The following LILRB5 variants were observed in gnomAD, a reference collection of about 807,000 sequenced individuals.
The protein encoded by LILRB5 is leukocyte immunoglobulin-like receptor subfamily B member 5.
Under a neutral mutation model 68.4 loss-of-function variants are expected in LILRB5, and 61 were observed. That is an observed-to-expected ratio of 0.89 (90% CI 0.73 to 1.10). The LOEUF is 1.10. Among genes scored for constraint, LILRB5 ranks in the 50% least tolerant of loss-of-function variants. The probability of loss-of-function intolerance (pLI) is 0.00; values close to 1 mark genes in which losing one functional copy is unlikely to be tolerated. For missense variants in LILRB5, 771 were observed against 751.6 expected (o/e 1.03, Z -0.30); for synonymous variants, 356 against 315.8 (o/e 1.13, Z -1.35).
intron 8 of LILRB5, 63 bp downstream of exon 8, chr19:54,253,955 G>A (rs560701409): frequency 1.2e-5 from 18 of 1,554,992 alleles, no homozygotes; most frequent in East Asian, 7.2e-5. Flanking sequence ...CTGAACCTAC[G>A]ACAGAACCCA....
Position 54,252,358 on chromosome 19 carries a change from T to C in LILRB5, c.1576+8A>G, listed in dbSNP as rs3843753. ...CACCCCAGGTGCCCTCCGCTTCTAG[T>C]CACTCACTGAGAATTTCCTCCTGGA... On this transcript the variant is annotated splice_region_variant and intron_variant, in intron 11 of 12. Coordinates refer to ENST00000449561, the MANE Select transcript of LILRB5 (RefSeq NM_001081442.3). 152,166 of 1,613,366 alleles carry C rather than the reference T, an allele frequency of 0.094. 7,683 individuals are homozygous for C. The highest frequency in any genetic ancestry group is 0.18 in the Admixed American group (10,786 of 59,980).
At chr19:54,252,620 C>T (rs983548164) in intron 9 of LILRB5, 71 bp from the exon 10 acceptor site, 74 of 1,558,888 alleles carry the variant, frequency 4.7e-5, no homozygotes, top group Middle Eastern at 1.9e-4. Flanking sequence ...ACAACTCGAG[C>T]GGAAAGAAGG....
At chr19:54,255,786 G>T in intron 4 of LILRB5, 1 of 726,240 alleles carries the variant, frequency 1.4e-6, no homozygotes, top group Non-Finnish European at 2.2e-6. Flanking sequence ...TGTCTGTCTG[G>T]TCTGTCCTCT....
chr19:54,250,682 C>T lies in LILRB5; in HGVS notation c.*104G>A. 6.8e-7 allele frequency: 1 copy of T among 1,461,176 alleles called. No homozygotes were observed. Among genetic ancestry groups the T allele is most frequent in the Non-Finnish European group, 9.4e-7 (1 of 1,065,798 alleles). 90.5% of individuals were successfully genotyped at this position (1,461,176 alleles called of 1,614,324 possible). On this transcript the variant is annotated 3_prime_UTR_variant, in exon 13 of 13. Coordinates refer to ENST00000449561, the MANE Select transcript of LILRB5 (RefSeq NM_001081442.3). Reference sequence around the variant, plus strand: ...TGTCCTGGTGGTCTTTGTTAGGGGTCCAGGCTGGCTGGGGTTCATTGGTGT... The same window carrying T: ...TGTCCTGGTGGTCTTTGTTAGGGGTTCAGGCTGGCTGGGGTTCATTGGTGT...
rs1054580078 is a variant in LILRB5, at chr19:54,250,775, T to A, written c.*11A>T. On this transcript the variant is annotated 3_prime_UTR_variant, in exon 13 of 13. Coordinates refer to ENST00000449561, the MANE Select transcript of LILRB5 (RefSeq NM_001081442.3). ...CCTTCTGTTGAGTATGAGATCTGGG[T>A]CCCCCGTGGGCTAGTGGATGGCCAG... is the stretch of plus-strand genomic sequence containing the variant. 2.5e-6 allele frequency: 4 copies of A among 1,613,770 alleles called. No individual in the cohort carries two copies. Among genetic ancestry groups the A allele is most frequent in the Non-Finnish European group, 3.4e-6 (4 of 1,179,974 alleles).
At chr19:54,257,085 T>C in intron 1 of LILRB5, 75 bp downstream of exon 1, 3 of 1,613,862 alleles carry the variant, frequency 1.9e-6, no homozygotes, top group Non-Finnish European at 2.5e-6. Flanking sequence ...CCAGATTCTC[T>C]GATAGACCAG....
rs764804186 is a variant in LILRB5, at chr19:54,254,679, G to T, written c.1255+56C>A. The stretch of plus-strand genomic sequence containing the variant: ...CCATCCCAGCCCAGAGCTCTCCTGG[G>T]GGCAGGGCCTGAGCTGAGCCTTTGA... On this transcript the variant is annotated intron_variant, in intron 6 of 12. Transcript: ENST00000449561. The T allele has an allele frequency of 4.4e-6, 7 of 1,600,500 alleles. No homozygotes were observed. The Middle Eastern group carries it at 6.7e-4, about 152-fold the overall frequency.
rs946990742 is a variant in LILRB5, at chr19:54,252,524, A to G, written c.1500T>C (p.Ala500=). The G allele has an allele frequency of 1.9e-6, 3 of 1,613,968 alleles. No individual in the cohort carries two copies. In the African/African-American group the frequency reaches 4.0e-5, roughly 22 times the overall value. Residue 500 remains alanine (A), a synonymous_variant, in exon 10 of 13, where the codon GCT becomes GCC. Transcript: ENST00000449561. ...TSAHFYRPAG[A]AGPEPKDQGL... The stretch of plus-strand genomic sequence containing the variant: ...CCTGGTCCTTGGGCTCTGGCCCCGC[A>G]GCCCCTGCAGGACGGTAGAAATGGG...
At chr19:54,256,421 CG>C in intron 3 of LILRB5, 67 bp downstream of exon 3, 2 of 1,595,164 alleles carry the variant, frequency 1.3e-6, no homozygotes. Context: ...GAGAGGTAGA[CG>C]TCCCTAAGAG....
chr19:54,253,749 C>A, intron 8 of LILRB5: 1 of 1,241,816 alleles, frequency 8.1e-7, no homozygotes, highest in Non-Finnish European at 1.1e-6. Context: ...AGCCCCGGAG[C>A]TGCAGGGAAA....
chr19:54,250,557 G>T lies in LILRB5; in HGVS notation c.*229C>A. 2 of 548,436 alleles carry T rather than the reference G, an allele frequency of 3.6e-6. No homozygotes were observed. The highest frequency in any genetic ancestry group is 3.2e-6 in the Non-Finnish European group (1 of 312,758). 34.0% of individuals were successfully genotyped at this position (548,436 alleles called of 1,614,324 possible). On this transcript the variant is annotated 3_prime_UTR_variant, in exon 13 of 13. Coordinates refer to ENST00000449561, the MANE Select transcript of LILRB5 (RefSeq NM_001081442.3). ...TCTAATTTCTGTTTCAGTTTTCTCAGCTCATTGATTTATTGAGAAGTCTGT... is the reference window on the plus strand; with the variant it reads ...TCTAATTTCTGTTTCAGTTTTCTCATCTCATTGATTTATTGAGAAGTCTGT...
chr19:54,253,068 C>T, intron 8 of LILRB5, 81 bp from the exon 9 acceptor site: 2 of 798,944 alleles, frequency 2.5e-6, no homozygotes, highest in Non-Finnish European at 3.7e-6. Flanking sequence ...CTAGGTCTTT[C>T]CTTCATGAGC....
rs769256920 is a variant in LILRB5 at position 54,256,722 on chromosome 19, C to T, written c.122G>A (p.Arg41Gln). 31 of 1,613,996 alleles carry T rather than the reference C, an allele frequency of 1.9e-5. No homozygotes were observed. The Middle Eastern group carries it at 8.2e-4, about 43-fold the overall frequency. The stretch of plus-strand genomic sequence containing the variant: ...ACACCAGAGGGTCACGGGCTTCCCC[C>T]GAGCTATCACAGAGGCTGGCTCAGC... ...LWAEPASVIARGKPVTLWCQG... is the reference protein window; with the variant it reads ...LWAEPASVIAQGKPVTLWCQG... The change falls in exon 3 of 13, where the codon CGG becomes CAG. Residue 41 changes from arginine to glutamine, a missense_variant. Arg to Gln is a conservative substitution (Grantham distance 43). Transcript: ENST00000449561.
At position 54,254,902 on chromosome 19, in the gene LILRB5, G is replaced by T. The variant is rs899868357; in HGVS notation, c.1088C>A (p.Pro363His). ...FFLTKEGAAH[P>H]PLCLKSKYQS... Reference sequence around the variant, plus strand: ...GTACTTTGACTTTAGACACAGCGGGGGATGGGCTGCCCCCTCCTTGGTCAA... The same window carrying T: ...GTACTTTGACTTTAGACACAGCGGGTGATGGGCTGCCCCCTCCTTGGTCAA... Residue 363 changes from proline to histidine, a missense_variant, in exon 6 of 13, where the codon CCC becomes CAC. Pro to His is a moderately conservative substitution (Grantham distance 77). Transcript: ENST00000449561. 14 of 1,613,970 alleles carry T rather than the reference G, an allele frequency of 8.7e-6. No individual in the cohort carries two copies. Among genetic ancestry groups the T allele is most frequent in the Non-Finnish European group, 1.1e-5 (13 of 1,179,986 alleles).
intron 6 of LILRB5, 53 bp from the exon 7 acceptor site, chr19:54,254,468 C>T (rs1377254934): frequency 5.2e-6 from 8 of 1,524,702 alleles, no homozygotes; most frequent in Non-Finnish European, 7.1e-6. Context: ...AGTGAGGAAA[C>T]CCGTCCCTCC....
In LILRB5 at chr19:54,252,363, C is replaced by T; in HGVS notation, c.1576+3G>A. 5.6e-6 allele frequency: 9 copies of T among 1,613,936 alleles called. No homozygotes were observed. Among genetic ancestry groups the T allele is most frequent in the Non-Finnish European group, 7.6e-6 (9 of 1,179,938 alleles). On this transcript the variant is annotated splice_donor_region_variant and intron_variant, in intron 11 of 12. Coordinates refer to ENST00000449561, the MANE Select transcript of LILRB5 (RefSeq NM_001081442.3). ...CAGGTGCCCTCCGCTTCTAGTCACT[C>T]ACTGAGAATTTCCTCCTGGATGTCA...
At chr19:54,254,278 T>C in intron 7 of LILRB5, 87 bp downstream of exon 7, 1 of 1,481,156 alleles carries the variant, frequency 6.8e-7, no homozygotes, top group Non-Finnish European at 9.1e-7. Flanking sequence ...GCTTGAGTCT[T>C]TGAGGGGAAT....
Position 54,254,868 on chromosome 19 carries a change from A to T in LILRB5, c.1122T>A (p.Tyr374Ter), listed in dbSNP as rs778335452. Reference sequence around the variant, plus strand: ...TCATGGAGAATTCAGCCTGGTGTCTATAAGACTGGTACTTTGACTTTAGAC... The same window carrying T: ...TCATGGAGAATTCAGCCTGGTGTCTTTAAGACTGGTACTTTGACTTTAGAC... ...PLCLKSKYQS[Y>*]RHQAEFSMSP... Residue 374 changes from tyrosine (Y) to a stop codon, truncating the protein, a stop_gained, in exon 6 of 13, where the codon TAT (tyrosine) becomes TAA (stop). Coordinates refer to ENST00000449561, the MANE Select transcript of LILRB5 (RefSeq NM_001081442.3). LOFTEE classifies it high-confidence loss of function. 6.2e-7 allele frequency: 1 copy of T among 1,614,114 alleles called. No individual in the cohort carries two copies. The highest frequency in any genetic ancestry group is 8.5e-7 in the Non-Finnish European group (1 of 1,180,000).
chr19:54,250,426 A>C lies in LILRB5; in HGVS notation c.*360T>G. ...CTTTCTGTCATTGCCAAGGTCATTA[A>C]TTACGTAGGTTTTATTCTTTTCTAA... On this transcript the variant is annotated 3_prime_UTR_variant, in exon 13 of 13. Coordinates refer to ENST00000449561, the MANE Select transcript of LILRB5 (RefSeq NM_001081442.3). 1 of 215,738 alleles carries C rather than the reference A, an allele frequency of 4.6e-6. No individual in the cohort carries two copies. Among genetic ancestry groups the C allele is most frequent in the Non-Finnish European group, 9.2e-6 (1 of 108,598 alleles). 13.4% of individuals were successfully genotyped at this position (215,738 alleles called of 1,614,324 possible). A position where few individuals can be genotyped will look rare whatever the true frequency, so the allele number is the denominator to read the frequency against.
Sources: gnomAD v4.1 joint callset for allele counts on GRCh38, gnomAD v4.1.1 for gene constraint, MANE v1.5 for transcripts, NCBI Gene and HGNC (gene_info 2026-07-23, HGNC 2026-07-21) for gene names.